Variants in FKBP15 observed in about 807,000 individuals in gnomAD.
FKBP15 encodes the protein FK506-binding protein 15.
Under a neutral mutation model 158.1 loss-of-function variants are expected in FKBP15, and 106 were observed. The ratio of observed to expected loss-of-function variants is 0.67; its 90% confidence interval spans 0.57 to 0.79. FKBP15 has a LOEUF of 0.79. Ranked by LOEUF, FKBP15 falls within the 30% of genes least tolerant of loss-of-function variation. The probability of loss-of-function intolerance (pLI) is 0.00; values close to 1 mark genes in which losing one functional copy is unlikely to be tolerated. For synonymous variants in FKBP15, 547 were observed against 548.6 expected (o/e 1.00, Z 0.04); for missense variants, 1,287 against 1,479.1 (o/e 0.87, Z 2.13).
Position 113,212,403 on chromosome 9 carries a change from G to C in FKBP15, c.54-811C>G, listed in dbSNP as rs768568253. On this transcript the variant is annotated intron_variant, in intron 1 of 27. Transcript: ENST00000238256. Reference sequence around the variant, plus strand: ...GGGGTTTCACCATGCTGGCCAGGCTGGTCTCGAACTCCTGACCTCAAGTGA... The same window carrying C: ...GGGGTTTCACCATGCTGGCCAGGCTCGTCTCGAACTCCTGACCTCAAGTGA... Among the ~76,000 whole-genome samples, 6 of 152,216 alleles carry C rather than the reference G, an allele frequency of 3.9e-5. No individual in the cohort carries two copies. The East Asian group carries it at 1.2e-3, about 29-fold the overall frequency.
Position 113,202,964 on chromosome 9 carries a change from T to C in FKBP15, c.396A>G (p.Leu132=), listed in dbSNP as rs1221598251. Residue 132 remains leucine (L), a synonymous_variant, in exon 5 of 28, where the codon CTA becomes CTG. Transcript: ENST00000238256. ...TVARIHVNFE[L]MVRPNNYSTF... The stretch of plus-strand genomic sequence containing the variant: ...TTCCAATATGATGAAGTCTTACCAT[T>C]AGCTCAAAGTTCACATGAATCCTAG... 9.3e-6 allele frequency: 15 copies of C among 1,610,900 alleles called. No individual in the cohort carries two copies. Among genetic ancestry groups the C allele is most frequent in the Non-Finnish European group, 1.3e-5 (15 of 1,177,946 alleles).
At chr9:113,168,971 GGCCCACCACACTACCACAGT>G (rs1375862067) in intron 26 of FKBP15, among the ~76,000 whole-genome samples, 26 of 74,626 alleles carry the variant, frequency 3.5e-4, no homozygotes, top group African/African-American at 9.6e-4. Context: ...ACTATCACAG[GGCCCACCACACTACCACAGT>G]GCCCGCCACA....
At position 113,198,809 on chromosome 9, in the gene FKBP15, C is replaced by T. The variant is rs776825660; in HGVS notation, c.717+46G>A. On this transcript the variant is annotated intron_variant, in intron 8 of 27. Coordinates refer to ENST00000238256, the MANE Select transcript of FKBP15 (RefSeq NM_015258.2). This position sits in a 1 kb window ranked among gnomAD's most constrained non-coding sequence, Gnocchi z 5.2. ...CCACAAAATTTAATCTAAGTTAAACCCACTGCAACTGATAAAACCATAAAA... is the reference window on the plus strand; with the variant it reads ...CCACAAAATTTAATCTAAGTTAAACTCACTGCAACTGATAAAACCATAAAA... The T allele has an allele frequency of 8.1e-7, 1 of 1,240,784 alleles. No individual in the cohort carries two copies. The highest frequency in any genetic ancestry group is 2.4e-5 in the Admixed American group (1 of 42,164). The allele number at this position is 1,240,784 out of a possible 1,614,324, so 76.9% of individuals were successfully genotyped here.
chr9:113,202,736 G>T, intron 5 of FKBP15, 107 bp from the exon 6 acceptor site: 2 of 856,950 alleles, frequency 2.3e-6, no homozygotes, highest in Non-Finnish European at 1.9e-6. Context: ...GACCCAAAGG[G>T]AACTATCAGA....
intron 1 of FKBP15, among the ~76,000 whole-genome samples, chr9:113,215,965 G>T (rs1483818499): frequency 6.6e-6 from 1 of 150,660 alleles, no homozygotes; most frequent in Non-Finnish European, 1.5e-5. Context: ...GAATATTTTT[G>T]AATATTAAGA....
At chr9:113,211,315 C>T (rs1830997871) in intron 2 of FKBP15, among the ~76,000 whole-genome samples, 162 bp downstream of exon 2, 1 of 152,184 alleles carries the variant, frequency 6.6e-6, no homozygotes, top group Non-Finnish European at 1.5e-5. Context: ...CACGCCACCA[C>T]ACCTGGCTAA....
intron 22 of FKBP15, 131 bp from the exon 23 acceptor site, chr9:113,173,736 T>C: frequency 1.1e-6 from 1 of 879,760 alleles, no homozygotes; most frequent in Non-Finnish European, 1.7e-6. Flanking sequence ...GGAAACTGTT[T>C]AAAAGACTCA....
At chr9:113,197,600 C>T (rs1202535397) in intron 8 of FKBP15, among the ~76,000 whole-genome samples, 1 of 152,112 alleles carries the variant, frequency 6.6e-6, no homozygotes, top group South Asian at 2.1e-4. Context: ...ACCCAGGAGA[C>T]AGAGGTTGCA....
intron 19 of FKBP15, among the ~76,000 whole-genome samples, chr9:113,179,089 G>A (rs1830347077): frequency 1.3e-5 from 2 of 151,428 alleles, no homozygotes; most frequent in Admixed American, 1.3e-4. Flanking sequence ...AGAGTGCAAT[G>A]ACACGACATA....
intron 21 of FKBP15, among the ~76,000 whole-genome samples, chr9:113,175,324 G>A (rs1830283441): frequency 6.6e-6 from 1 of 152,138 alleles, no homozygotes; most frequent in South Asian, 2.1e-4. Context: ...AGTATCTATA[G>A]TAATGACAAA....
At position 113,174,581 on chromosome 9, in the gene FKBP15, G is replaced by A. The variant is rs369650218; in HGVS notation, c.2226C>T (p.Asn742=). 8.1e-6 allele frequency: 13 copies of A among 1,613,450 alleles called. No individual in the cohort carries two copies. Among genetic ancestry groups the A allele is most frequent in the Middle Eastern group, 3.3e-4 (2 of 6,080 alleles). ...CTGACTTCTTTTTCCTTTCTGAGAGGTTCTTAGGAACAAGAGAACCATCAT... is the reference window on the plus strand; with the variant it reads ...CTGACTTCTTTTTCCTTTCTGAGAGATTCTTAGGAACAAGAGAACCATCAT... ...LRVEKESLEK[N]LSERKKKSAQ... The change falls in exon 22 of 28, where the codon AAC becomes AAT. Residue 742 remains asparagine (N), a splice_region_variant and synonymous_variant. Transcript: ENST00000238256.
chr9:113,167,100 A>G (rs992789589), intron 27 of FKBP15, among the ~76,000 whole-genome samples: 2 of 152,228 alleles, frequency 1.3e-5, no homozygotes, highest in African/African-American at 4.8e-5. Context: ...TAACTCTGAC[A>G]GTATAGGATT....
chr9:113,206,589 A>G lies in FKBP15; in HGVS notation c.255-11T>C, dbSNP rs1264173489. 1 of 1,604,784 alleles carries G rather than the reference A, an allele frequency of 6.2e-7. No homozygotes were observed. The highest frequency in any genetic ancestry group is 8.5e-7 in the Non-Finnish European group (1 of 1,175,310). ...TATTGACCATTTGTGCTATAAAAGGAAGAGAAACAACAAGTATTAATACTT... is the reference window on the plus strand; with the variant it reads ...TATTGACCATTTGTGCTATAAAAGGGAGAGAAACAACAAGTATTAATACTT... On this transcript the variant is annotated splice_polypyrimidine_tract_variant and intron_variant, in intron 3 of 27. Coordinates refer to ENST00000238256, the MANE Select transcript of FKBP15 (RefSeq NM_015258.2).
In FKBP15 at chr9:113,165,882, G is replaced by A. The variant is rs772628461; in HGVS notation, c.*196C>T. On this transcript the variant is annotated 3_prime_UTR_variant, in exon 28 of 28. Transcript: ENST00000238256. ...TGAAATCCCAGTGTTCTTGAAGACA[G>A]GGTTATGATCCTCTTCACCAGGTCT... is the stretch of plus-strand genomic sequence containing the variant. 12 of 529,114 alleles carry A rather than the reference G, an allele frequency of 2.3e-5. No homozygotes were observed. In the East Asian group the frequency reaches 2.5e-4, roughly 11 times the overall value. The allele number at this position is 529,114 out of a possible 1,614,324, so 32.8% of individuals were successfully genotyped here. A position where few individuals can be genotyped will look rare whatever the true frequency, so the allele number is the denominator to read the frequency against.
At chr9:113,170,437 A>G in intron 25 of FKBP15, 85 bp downstream of exon 25, 2 of 1,029,690 alleles carry the variant, frequency 1.9e-6, no homozygotes, top group Non-Finnish European at 1.5e-6. Context: ...AGCTTTGAAC[A>G]ATTTTTTATT....
intron 20 of FKBP15, among the ~76,000 whole-genome samples, chr9:113,176,969 G>A (rs1830310168): frequency 6.6e-6 from 1 of 152,116 alleles, no homozygotes; most frequent in Admixed American, 6.6e-5. Context: ...CACACAAGCA[G>A]CCTCTGCTCA....
At chr9:113,211,860 T>C (rs994312848) in intron 1 of FKBP15, among the ~76,000 whole-genome samples, 11 of 152,188 alleles carry the variant, frequency 7.2e-5, no homozygotes, top group African/African-American at 2.7e-4. Context: ...CCCAGGACCT[T>C]GGTCAAGGCA....
rs564841807 is a variant in FKBP15 at position 113,188,447 on chromosome 9, C to T, written c.1218G>A (p.Pro406=). The part of the protein sequence containing the change: ...LQGGGQPVVT[P]SVQPSLHPAH... ...CCGGATGAAGAGAGGGCTGGACGGA[C>T]GGAGTCACCACAGGCTGCCCACCTC... is the stretch of plus-strand genomic sequence containing the variant. Residue 406 remains proline (P), a synonymous_variant, in exon 13 of 28, where the codon CCG becomes CCA. Coordinates refer to ENST00000238256, the MANE Select transcript of FKBP15 (RefSeq NM_015258.2). 1.1e-5 allele frequency: 17 copies of T among 1,613,888 alleles called. 1 individual carries two copies. In the Middle Eastern group the frequency reaches 6.6e-4, roughly 63 times the overall value.
intron 9 of FKBP15, among the ~76,000 whole-genome samples, chr9:113,194,465 G>A (rs1830634588): frequency 1.5e-5 from 2 of 134,390 alleles, no homozygotes; most frequent in East Asian, 2.1e-4. Flanking sequence ...AAAAAAAAGA[G>A]TCATTGCAGG....
Sources: allele counts gnomAD v4.1 joint callset (sites outside exome capture counted in the v4.1 genomes callset), GRCh38; gene constraint gnomAD v4.1.1; non-coding constraint Gnocchi (gnomAD v3.1); transcripts MANE v1.5; gene names NCBI Gene and HGNC (gene_info 2026-07-23, HGNC 2026-07-21).